NEK11: variants seen among roughly 807,000 people sequenced by gnomAD.
NEK11 encodes the protein NIMA related kinase 11.
In NEK11, 72 loss-of-function variants were observed where a neutral mutation model predicts 80.7. The observed-to-expected ratio is 0.89, with a 90% CI of 0.74 to 1.08. NEK11 has a LOEUF of 1.08. Among genes scored for constraint, NEK11 ranks in the 50% least tolerant of loss-of-function variants. The probability of loss-of-function intolerance (pLI) is 0.00; values close to 1 mark genes in which losing one functional copy is unlikely to be tolerated. For synonymous variants in NEK11, 251 were observed against 260.7 expected, an observed-to-expected ratio of 0.96 and a Z score of 0.36; for missense variants, 764 against 763.6, an observed-to-expected ratio of 1.00 and a Z score of -0.01.
chr3:131,071,515 A>G (rs2073291792), intron 3 of NEK11, among the ~76,000 whole-genome samples: 1 of 151,622 alleles, frequency 6.6e-6, no homozygotes, highest in African/African-American at 2.4e-5. Context: ...TCTGTTTGCT[A>G]TTATTACTTC....
At chr3:131,331,854 G>T (rs954913333) in intron 17 of NEK11, among the ~76,000 whole-genome samples, 1 of 152,212 alleles carries the variant, frequency 6.6e-6, no homozygotes, top group Non-Finnish European at 1.5e-5. Flanking sequence ...ACAGAGTCTC[G>T]CTGATTGCTA....
intron 5 of NEK11, among the ~76,000 whole-genome samples, chr3:131,114,706 A>C (rs2080748942): frequency 1.3e-5 from 2 of 152,248 alleles, no homozygotes; most frequent in South Asian, 4.1e-4. Context: ...AGAAGCGTGA[A>C]TACTTGGGAA....
At chr3:131,334,432 A>T (rs2097147206) in intron 17 of NEK11, among the ~76,000 whole-genome samples, 1 of 151,734 alleles carries the variant, frequency 6.6e-6, no homozygotes, top group Non-Finnish European at 1.5e-5. Context: ...GAACAAAGAC[A>T]CAACATACCA....
intron 4 of NEK11, among the ~76,000 whole-genome samples, chr3:131,088,690 A>G (rs1666832988): frequency 6.6e-6 from 1 of 152,198 alleles, no homozygotes; most frequent in Non-Finnish European, 1.5e-5. Context: ...TTACCTCAGC[A>G]AAAAGAACAC....
At chr3:131,180,381 T>C (rs2093278984) in intron 14 of NEK11, among the ~76,000 whole-genome samples, 1 of 152,226 alleles carries the variant, frequency 6.6e-6, no homozygotes, top group Non-Finnish European at 1.5e-5. Flanking sequence ...GTGAAATTTA[T>C]GTTCCAATTA....
intron 3 of NEK11, chr3:131,072,191 G>C (rs1417420804): frequency 6.6e-6 from 1 of 152,202 alleles, no homozygotes; most frequent in Non-Finnish European, 1.5e-5. Context: ...TTCAGCAGCT[G>C]AGCAACATCA....
At chr3:131,259,756 A>G (rs2095879116) in intron 16 of NEK11, among the ~76,000 whole-genome samples, 1 of 152,104 alleles carries the variant, frequency 6.6e-6, no homozygotes, top group Non-Finnish European at 1.5e-5. Context: ...GAGGGGCATG[A>G]TTTGGGGGAA....
At chr3:131,274,754 C>T (rs1172680504) in intron 17 of NEK11, among the ~76,000 whole-genome samples, 7 of 143,912 alleles carry the variant, frequency 4.9e-5, no homozygotes, top group Middle Eastern at 3.6e-3. Flanking sequence ...CCCGGGTTCA[C>T]GCCATTCTCC....
intron 7 of NEK11, chr3:131,134,357 T>G (rs2085113213): frequency 6.5e-6 from 1 of 153,910 alleles, no homozygotes; most frequent in African/African-American, 2.4e-5. Context: ...TTTTTTCTTT[T>G]TGTTACTTTT....
chr3:131,033,618 G>A (rs1003601851), intron 3 of NEK11, among the ~76,000 whole-genome samples: 3 of 152,166 alleles, frequency 2.0e-5, no homozygotes, highest in Non-Finnish European at 4.4e-5. Flanking sequence ...TATGTACATA[G>A]TACTTAACTT....
At chr3:131,134,235 T>C in intron 7 of NEK11, 1 of 258,898 alleles carries the variant, frequency 3.9e-6, no homozygotes, top group Non-Finnish European at 7.2e-6. Flanking sequence ...CATTAAATTT[T>C]AATACATTTC....
intron 5 of NEK11, among the ~76,000 whole-genome samples, chr3:131,127,574 G>T (rs1293677579): frequency 2.6e-5 from 4 of 151,746 alleles, no homozygotes; most frequent in Non-Finnish European, 4.4e-5. Flanking sequence ...AATAATCACA[G>T]TTATTTTCAA....
chr3:131,098,268 C>A (rs539602570), intron 4 of NEK11, among the ~76,000 whole-genome samples: 49 of 152,296 alleles, frequency 3.2e-4, no homozygotes, highest in African/African-American at 1.2e-3. Context: ...GTCTAAAACA[C>A]CAAAAGCAAT....
chr3:131,201,527 G>C lies in NEK11; in HGVS notation c.1400-27001G>C, dbSNP rs141878450. 3.6e-3 allele frequency among the ~76,000 whole-genome samples: 546 copies of C among 152,276 alleles called. 13 individuals carry two copies. Among genetic ancestry groups the C allele is most frequent in the Admixed American group, 0.031 (476 of 15,298 alleles). ...TCTAGGGGAAATGTTCTCTCTGACA[G>C]AAATGTGCCTCTCCTTTTACCCAGC... is the stretch of plus-strand genomic sequence containing the variant. On this transcript the variant is annotated intron_variant, in intron 14 of 17. Transcript: ENST00000383366.
At chr3:131,343,719 C>T (rs964470877) in intron 17 of NEK11, among the ~76,000 whole-genome samples, 11 of 152,186 alleles carry the variant, frequency 7.2e-5, no homozygotes, top group Non-Finnish European at 1.5e-5. Flanking sequence ...TGGCTTGCAC[C>T]CTCTGGAGCT....
In NEK11 at chr3:131,029,811, C is replaced by T; in HGVS notation, c.103C>T (p.Leu35Phe). ...AAGAAGATACGTGCTTCAACAAAAACTTGGCAGTGGAAGTTTTGGAACTGT... is the reference window on the plus strand; with the variant it reads ...AAGAAGATACGTGCTTCAACAAAAATTTGGCAGTGGAAGTTTTGGAACTGT... ...IARRYVLQQK[L>F]GSGSFGTVYL... The change falls in exon 3 of 18, where the codon CTT becomes TTT. Residue 35 changes from leucine to phenylalanine, a missense_variant. By Grantham distance (22) the Leu-to-Phe change is conservative. Coordinates refer to ENST00000383366, the MANE Select transcript of NEK11 (RefSeq NM_024800.5). 1 of 1,614,204 alleles carries T rather than the reference C, an allele frequency of 6.2e-7. No individual in the cohort carries two copies. The highest frequency in any genetic ancestry group is 8.5e-7 in the Non-Finnish European group (1 of 1,180,038).
At chr3:131,079,146 A>G (rs2149011412) in intron 3 of NEK11, among the ~76,000 whole-genome samples, 1 of 152,306 alleles carries the variant, frequency 6.6e-6, no homozygotes, top group South Asian at 2.1e-4. Flanking sequence ...GTTATATTGA[A>G]GTCATAAATT....
intron 17 of NEK11, among the ~76,000 whole-genome samples, chr3:131,300,549 T>C (rs556663984): frequency 2.0e-5 from 3 of 152,322 alleles, no homozygotes; most frequent in Admixed American, 6.5e-5. Context: ...CTTGAGTTGA[T>C]TTTTGTATAT....
chr3:131,190,532 C>A (rs1433676368), intron 14 of NEK11, among the ~76,000 whole-genome samples: 1 of 152,130 alleles, frequency 6.6e-6, no homozygotes, highest in Non-Finnish European at 1.5e-5. Flanking sequence ...ATGTGACACC[C>A]ACTCCCCCTT....
Sources: allele counts gnomAD v4.1 joint callset (sites outside exome capture counted in the v4.1 genomes callset), GRCh38; gene constraint gnomAD v4.1.1; transcripts MANE v1.5; gene names NCBI Gene and HGNC (gene_info 2026-07-23, HGNC 2026-07-21).